Variants in ROCK1 observed in about 807,000 individuals in gnomAD.
The protein encoded by ROCK1 is rho-associated protein kinase 1.
A neutral mutation model predicts 196.8 loss-of-function variants in ROCK1; 36 were observed. That is an observed-to-expected ratio of 0.18 (90% CI 0.14 to 0.24). ROCK1 has a LOEUF of 0.24. Ranked by LOEUF, ROCK1 falls within the 10% of genes least tolerant of loss-of-function variation. The probability of loss-of-function intolerance (pLI) is 1.00; values close to 1 mark genes in which losing one functional copy is unlikely to be tolerated. For synonymous variants in ROCK1, 443 were observed against 515.9 expected (o/e 0.86, Z 1.91); for missense variants, 920 against 1,562.0 (o/e 0.59, Z 6.93).
At chr18:21,035,218 T>C (rs1314166086) in intron 9 of ROCK1, among the ~76,000 whole-genome samples, 5 of 152,252 alleles carry the variant, frequency 3.3e-5, no homozygotes, top group African/African-American at 1.2e-4. Context: ...GTGCAAACAT[T>C]GTGGATACTA....
At chr18:21,023,909 CTT>C (rs2035935609) in intron 10 of ROCK1, among the ~76,000 whole-genome samples, 1 of 152,126 alleles carries the variant, frequency 6.6e-6, no homozygotes, top group South Asian at 2.1e-4. Flanking sequence ...AAACATATGA[CTT>C]AATATTCCTG....
At chr18:21,091,043 T>C (rs898873309) in intron 1 of ROCK1, among the ~76,000 whole-genome samples, 17 of 64,682 alleles carry the variant, frequency 2.6e-4, no homozygotes, top group Non-Finnish European at 5.4e-4. Flanking sequence ...GATCTACTTA[T>C]ATGTGGATTT....
In ROCK1 at chr18:20,991,128, G is replaced by C. The variant is rs144385800; in HGVS notation, c.2143+48C>G. The C allele has an allele frequency of 2.9e-4, 437 of 1,516,224 alleles. No homozygotes were observed. In the East Asian group the frequency reaches 9.7e-3, roughly 34 times the overall value. 93.9% of individuals were successfully genotyped at this position (1,516,224 alleles called of 1,614,324 possible). On this transcript the variant is annotated intron_variant, in intron 18 of 32. Transcript: ENST00000399799. ...TTTGACCAAAACCAAATTTTTTCTA[G>C]TCACTATTTAAAGTCAATTTTGTAA...
chr18:21,045,371 G>C lies in ROCK1; in HGVS notation c.511C>G (p.Pro171Ala). The C allele has an allele frequency of 6.2e-7, 1 of 1,613,634 alleles. No individual in the cohort carries two copies. The highest frequency in any genetic ancestry group is 1.3e-5 in the African/African-American group (1 of 74,974). ...LVNLMSNYDV[P>A]EKWARFYTAE... is the part of the protein sequence containing the mutation. ...GTATAGAATCGTGCCCATTTTTCAG[G>C]CACATCATAGTTGCTCATTAAGTTT... Residue 171 changes from proline (P) to alanine (A), a missense_variant, in exon 5 of 33, where the codon CCT becomes GCT. Coordinates refer to ENST00000399799, the MANE Select transcript of ROCK1 (RefSeq NM_005406.3).
intron 1 of ROCK1, among the ~76,000 whole-genome samples, chr18:21,090,867 T>C (rs1208386314): frequency 2.1e-5 from 1 of 47,342 alleles, no homozygotes; most frequent in Non-Finnish European, 1.8e-4. Flanking sequence ...TATCTCAAAG[T>C]ACAATAGATC....
rs552252535 is a variant in ROCK1, at chr18:21,014,562, T to C, written c.1410+869A>G. Among the ~76,000 whole-genome samples the C allele has an allele frequency of 1.6e-3, 236 of 152,192 alleles. 8 individuals carry two copies. Among genetic ancestry groups the C allele is most frequent in the Non-Finnish European group, 6.5e-4 (44 of 68,024 alleles). On this transcript the variant is annotated intron_variant, in intron 13 of 32. Coordinates refer to ENST00000399799, the MANE Select transcript of ROCK1 (RefSeq NM_005406.3). The stretch of plus-strand genomic sequence containing the variant: ...GCACATCTGAATTTTATCTGTGTTT[T>C]AAAAGTTAAATATAAGTGGAAGATA...
intron 20 of ROCK1, among the ~76,000 whole-genome samples, chr18:20,983,411 A>G (rs2143391769): frequency 6.6e-6 from 1 of 151,886 alleles, no homozygotes; most frequent in South Asian, 2.1e-4. Flanking sequence ...CTGCATGTAT[A>G]TAATACATAC....
Position 21,045,390 on chromosome 18 carries a change from T to A in ROCK1, c.492A>T (p.Leu164Phe). Residue 164 changes from leucine to phenylalanine, a missense_variant, in exon 5 of 33, where the codon TTA becomes TTT. Transcript: ENST00000399799. Reference protein sequence around the residue: ...EYMPGGDLVNLMSNYDVPEKW... With the variant: ...EYMPGGDLVNFMSNYDVPEKW... ...TTTCAGGCACATCATAGTTGCTCAT[T>A]AAGTTTACAAGATCTCCACCAGGCA... 1 of 1,613,634 alleles carries A rather than the reference T, an allele frequency of 6.2e-7. No individual in the cohort carries two copies. Among genetic ancestry groups the A allele is most frequent in the Non-Finnish European group, 8.5e-7 (1 of 1,179,876 alleles).
intron 13 of ROCK1, among the ~76,000 whole-genome samples, chr18:21,010,567 T>C (rs1248721582): frequency 6.6e-6 from 1 of 152,234 alleles, no homozygotes; most frequent in African/African-American, 2.4e-5. Flanking sequence ...TTCTCATCTG[T>C]ACATTTTGGT....
chr18:21,042,897 C>A (rs1299480928), intron 6 of ROCK1, among the ~76,000 whole-genome samples, 188 bp from the exon 7 acceptor site: 1 of 151,988 alleles, frequency 6.6e-6, no homozygotes, highest in African/African-American at 2.4e-5. Flanking sequence ...TATATACACA[C>A]CATATACATA....
rs1314079159 is a variant in ROCK1, at chr18:20,950,148, G to A, written c.*1236C>T. The A allele has an allele frequency of 1.3e-5, 2 of 152,654 alleles. No individual in the cohort carries two copies. Among genetic ancestry groups the A allele is most frequent in the African/African-American group, 4.8e-5 (2 of 41,454 alleles). 9.5% of individuals were successfully genotyped at this position (152,654 alleles called of 1,614,324 possible). A position where few individuals can be genotyped will look rare whatever the true frequency, so the allele number is the denominator to read the frequency against. On this transcript the variant is annotated 3_prime_UTR_variant, in exon 33 of 33. Transcript: ENST00000399799. ...AATCAACTCTTGTTACTGGACAAGA[G>A]TTTAACAGTATTTATCTGGTAATTC...
intron 3 of ROCK1, 126 bp downstream of exon 3, chr18:21,049,654 A>G: frequency 3.1e-6 from 2 of 647,296 alleles, no homozygotes; most frequent in Non-Finnish European, 5.2e-6. Context: ...CTCAGGCAAC[A>G]ATGTCTAAAG....
At chr18:21,055,286 T>G (rs994126878) in intron 2 of ROCK1, among the ~76,000 whole-genome samples, 6 of 152,116 alleles carry the variant, frequency 3.9e-5, no homozygotes, top group African/African-American at 1.4e-4. Flanking sequence ...TGGCCCTTAG[T>G]TCTACTTGGC....
intron 1 of ROCK1, among the ~76,000 whole-genome samples, chr18:21,078,735 T>C (rs72879436): frequency 1.3e-5 from 2 of 152,166 alleles, no homozygotes; most frequent in Non-Finnish European, 2.9e-5. Flanking sequence ...TAACAGCTAG[T>C]GGATGCACCT....
intron 1 of ROCK1, among the ~76,000 whole-genome samples, chr18:21,071,584 T>C (rs1247636732): frequency 6.6e-6 from 1 of 152,178 alleles, no homozygotes; most frequent in African/African-American, 2.4e-5. Flanking sequence ...TCAGACTATA[T>C]CCTGCTGCAT....
chr18:20,980,878 T>C (rs527782841), intron 21 of ROCK1, among the ~76,000 whole-genome samples: 7 of 139,174 alleles, frequency 5.0e-5, no homozygotes, highest in African/African-American at 1.9e-4. Flanking sequence ...ATCATGCCAC[T>C]ACTCTCCAGC....
rs1038129806 is a variant in ROCK1, at chr18:20,973,647, T to C, written c.2655-3134A>G. Among the ~76,000 whole-genome samples the C allele has an allele frequency of 7.2e-5, 11 of 152,206 alleles. 1 individual carries two copies. The highest frequency in any genetic ancestry group is 2.7e-4 in the African/African-American group (11 of 41,438). On this transcript the variant is annotated intron_variant, in intron 22 of 32. Coordinates refer to ENST00000399799, the MANE Select transcript of ROCK1 (RefSeq NM_005406.3). ...AGCATTAGATAAGAGCGTTAGCTCA[T>C]GATGTCCATTTACATCATCAGAAGG... is the stretch of plus-strand genomic sequence containing the variant.
chr18:20,960,048 G>T, intron 28 of ROCK1, 88 bp downstream of exon 28: 1 of 1,067,760 alleles, frequency 9.4e-7, no homozygotes, highest in Non-Finnish European at 1.4e-6. Context: ...ATAAATGCTA[G>T]TAAAAAAAAG....
At chr18:20,963,661 T>C (rs1401419842) in intron 27 of ROCK1, among the ~76,000 whole-genome samples, 1 of 152,166 alleles carries the variant, frequency 6.6e-6, no homozygotes, top group African/African-American at 2.4e-5. Flanking sequence ...ATCCATCATC[T>C]ATTTCTACAT....
Sources: allele counts gnomAD v4.1 joint callset (sites outside exome capture counted in the v4.1 genomes callset), GRCh38; gene constraint gnomAD v4.1.1; transcripts MANE v1.5; gene names NCBI Gene and HGNC (gene_info 2026-07-23, HGNC 2026-07-21).